Variants in ZDHHC11B observed in about 807,000 individuals in gnomAD.
ZDHHC11B encodes probable palmitoyltransferase ZDHHC11B.
A neutral mutation model predicts 42.3 loss-of-function variants in ZDHHC11B; 17 were observed. The ratio of observed to expected loss-of-function variants is 0.40; its 90% CI spans 0.27 to 0.60. The LOEUF is 0.60. Ranked by LOEUF, ZDHHC11B falls within the 20% of genes least tolerant of loss-of-function variation. The pLI is 0.41. For missense variants in ZDHHC11B, 262 were observed against 463.2 expected (o/e 0.57, Z 3.99); for synonymous variants, 123 against 193.5 (o/e 0.64, Z 3.02).
At chr5:767,626 G>A (rs1735642457) in intron 2 of ZDHHC11B, 102 bp from the exon 3 acceptor site, 9 of 922,128 alleles carry the variant, frequency 9.8e-6, no homozygotes, top group Non-Finnish European at 1.4e-5. Context: ...CGCCTGGCTG[G>A]CAGCCAGCAC....
intron 4 of ZDHHC11B, among the ~76,000 whole-genome samples, chr5:758,683 C>G (rs764065157): frequency 3.3e-5 from 5 of 151,728 alleles, no homozygotes; most frequent in African/African-American, 7.3e-5. Flanking sequence ...GACTCCCCCC[C>G]ACCAAGATTC....
In ZDHHC11B at chr5:767,382, C is replaced by A. The variant is rs11134236; in HGVS notation, c.-1+10G>T. Reference sequence around the variant, plus strand: ...ACAGCAGCCAAGGGCTCCCCGGGGCCAACACCTGCCTCGGCGCACACTGCA... The same window carrying A: ...ACAGCAGCCAAGGGCTCCCCGGGGCAAACACCTGCCTCGGCGCACACTGCA... On this transcript the variant is annotated intron_variant, in intron 3 of 13. Coordinates refer to ENST00000508859, the MANE Select transcript of ZDHHC11B (RefSeq NM_001351303.2). 3.9e-6 allele frequency: 6 copies of A among 1,546,232 alleles called. No individual in the cohort carries two copies. The South Asian group carries it at 6.9e-5, about 18-fold the overall frequency.
At chr5:727,880 T>G (rs1341069732) in intron 12 of ZDHHC11B, among the ~76,000 whole-genome samples, 9 of 151,828 alleles carry the variant, frequency 5.9e-5, no homozygotes, top group African/African-American at 1.9e-4. Context: ...TGTATAACCC[T>G]GGAGTAAGAA....
At chr5:778,157 A>C (rs2150246791) in intron 1 of ZDHHC11B, among the ~76,000 whole-genome samples, 1 of 151,952 alleles carries the variant, frequency 6.6e-6, no homozygotes, top group African/African-American at 2.4e-5. Context: ...AGTGAGAATT[A>C]AACCACATGC....
At chr5:728,148 A>G (rs1328074086) in intron 12 of ZDHHC11B, among the ~76,000 whole-genome samples, 7 of 151,888 alleles carry the variant, frequency 4.6e-5, no homozygotes, top group African/African-American at 1.7e-4. Flanking sequence ...AACAGTAAAA[A>G]AGAGAATGAC....
At chr5:715,465 C>T (rs1386592189) in intron 13 of ZDHHC11B, among the ~76,000 whole-genome samples, 2 of 150,310 alleles carry the variant, frequency 1.3e-5, no homozygotes, top group African/African-American at 4.9e-5. Context: ...CTCCATACCA[C>T]TGAGACAATT....
At chr5:730,634 C>T (rs55696472) in intron 11 of ZDHHC11B, among the ~76,000 whole-genome samples, 166 bp from the exon 12 acceptor site, 1 of 151,730 alleles carries the variant, frequency 6.6e-6, no homozygotes, top group South Asian at 2.1e-4. Context: ...CAGCACGCTT[C>T]CTCCCAATCC....
intron 1 of ZDHHC11B, among the ~76,000 whole-genome samples, chr5:779,069 G>C (rs1317142072): frequency 6.6e-6 from 1 of 151,308 alleles, no homozygotes; most frequent in Non-Finnish European, 1.5e-5. Context: ...ACTGTGAGAA[G>C]TGAACATATC....
At chr5:761,744 A>G (rs1734641681) in intron 4 of ZDHHC11B, among the ~76,000 whole-genome samples, 1 of 151,862 alleles carries the variant, frequency 6.6e-6, no homozygotes, top group Non-Finnish European at 1.5e-5. Flanking sequence ...CTCTCAGAAA[A>G]GGCCTCTTGG....
intron 6 of ZDHHC11B, among the ~76,000 whole-genome samples, chr5:754,230 A>G (rs201350260): frequency 0.014 from 356 of 25,016 alleles, 9 homozygotes; most frequent in Middle Eastern, 0.045. Context: ...CGTCTCATCT[A>G]TGAGCCTCCA....
In ZDHHC11B at chr5:748,678, G is replaced by T. The variant is rs1283883177; in HGVS notation, c.629-119C>A. On this transcript the variant is annotated intron_variant, in intron 7 of 13. Coordinates refer to ENST00000508859, the MANE Select transcript of ZDHHC11B (RefSeq NM_001351303.2). ...CGGCGTGGAGACAGCCAGCACGAGG[G>T]ATGCCTCCCTGCCCTGGTGGACACC... 55 of 1,127,194 alleles carry T rather than the reference G, an allele frequency of 4.9e-5. 13 individuals are homozygous for T. Among genetic ancestry groups the T allele is most frequent in the Admixed American group, 8.2e-5 (3 of 36,728 alleles). The allele number at this position is 1,127,194 out of a possible 1,614,324, so 69.8% of individuals were successfully genotyped here.
chr5:742,555 C>T (rs1399140647), intron 9 of ZDHHC11B, among the ~76,000 whole-genome samples: 1 of 146,294 alleles, frequency 6.8e-6, no homozygotes, highest in African/African-American at 2.5e-5. Flanking sequence ...CGCCATTTTC[C>T]CCGCAGTGTG....
chr5:763,282 T>C (rs1734852874), intron 4 of ZDHHC11B, among the ~76,000 whole-genome samples: 1 of 150,734 alleles, frequency 6.6e-6, no homozygotes, highest in Non-Finnish European at 1.5e-5. Context: ...GACGGGAGGA[T>C]TGTTTGAACC....
chr5:766,257 A>G (rs1341767423), intron 4 of ZDHHC11B, among the ~76,000 whole-genome samples: 1 of 151,532 alleles, frequency 6.6e-6, no homozygotes, highest in Non-Finnish European at 1.5e-5. Context: ...AGACAGGAGC[A>G]GACACGGGCT....
chr5:773,814 C>T (rs1333798405), intron 1 of ZDHHC11B, among the ~76,000 whole-genome samples: 1 of 151,774 alleles, frequency 6.6e-6, no homozygotes, highest in Non-Finnish European at 1.5e-5. Context: ...GGAGACTGAG[C>T]CCACCCCACT....
chr5:742,469 CT>C (rs1253693624), intron 9 of ZDHHC11B, among the ~76,000 whole-genome samples: 1 of 67,366 alleles, frequency 1.5e-5, no homozygotes, highest in East Asian at 5.7e-4. Context: ...TTGTGCTTTG[CT>C]TTACTGCACT....
Position 756,117 on chromosome 5 carries a change from G to C in ZDHHC11B, c.250C>G (p.Leu84Val), listed in dbSNP as rs2060409727. Reference sequence around the variant, plus strand: ...CAGGACGCGATCAGGTGGACGACGAGGTGGAACGAGAAGATCCCCCCGGTC... The same window carrying C: ...CAGGACGCGATCAGGTGGACGACGACGTGGAACGAGAAGATCCCCCCGGTC... ...VVTGGIFSFH[L>V]VVHLIASCID... Residue 84 changes from leucine (L) to valine (V), a missense_variant, in exon 5 of 14, where the codon CTC becomes GTC. Physicochemically the swap from Leu to Val is conservative, Grantham distance 32. Transcript: ENST00000508859. The C allele has an allele frequency of 7.0e-7, 1 of 1,432,428 alleles. No homozygotes were observed. Among genetic ancestry groups the C allele is most frequent in the Non-Finnish European group, 9.3e-7 (1 of 1,079,790 alleles). The allele number at this position is 1,432,428 out of a possible 1,614,324, so 88.7% of individuals were successfully genotyped here.
rs531645517 is a variant in ZDHHC11B at position 766,706 on chromosome 5, C to T, written c.214G>A (p.Ala72Thr). ...CACGATGAAAAGGATACCACATAGG[C>T]GATGTATTTCCACGAGTGAGGCAGG... ...PLLPHSWKYI[A>T]YVVTGGIFSF... is the part of the protein sequence containing the mutation. Residue 72 changes from alanine (A) to threonine (T), a missense_variant, in exon 4 of 14, where the codon GCC (alanine) becomes ACC (threonine). This residue lies in a region of ZDHHC11B where 97 missense variants were observed against 98.1 expected (regional missense o/e 0.99). Transcript: ENST00000508859. The T allele has an allele frequency of 3.4e-5, 54 of 1,608,472 alleles. 1 individual carries two copies. The highest frequency in any genetic ancestry group is 3.9e-5 in the Non-Finnish European group (46 of 1,176,986).
intron 1 of ZDHHC11B, among the ~76,000 whole-genome samples, chr5:774,143 G>C (rs1443443245): frequency 2.0e-5 from 3 of 152,016 alleles, no homozygotes; most frequent in African/African-American, 7.2e-5. Flanking sequence ...CCCACAGGCT[G>C]TTCCTGTTCC....
Sources: gnomAD v4.1 joint callset for allele counts (sites outside exome capture counted in the v4.1 genomes callset) on GRCh38, gnomAD v4.1.1 for gene constraint, gnomAD v4.1.1 regional missense constraint, MANE v1.5 for transcripts, NCBI Gene and HGNC (gene_info 2026-07-23, HGNC 2026-07-21) for gene names.